The following RB1CC1 variants were observed in gnomAD, a reference collection of about 807,000 sequenced individuals.
RB1CC1 encodes RB1-inducible coiled-coil protein 1.
A neutral mutation model predicts 177.5 loss-of-function variants in RB1CC1; 46 were observed. That is an observed-to-expected ratio of 0.26 (90% CI 0.20 to 0.33). The LOEUF (loss-of-function observed/expected upper bound fraction) is 0.33. Ranked by LOEUF, RB1CC1 falls within the 10% of genes least tolerant of loss-of-function variation. The probability of loss-of-function intolerance (pLI) is 1.00; values close to 1 mark genes in which losing one functional copy is unlikely to be tolerated. For synonymous variants in RB1CC1, 666 were observed against 613.6 expected, an observed-to-expected ratio of 1.09 and a Z score of -1.26; for missense variants, 1,703 against 1,816.3, an observed-to-expected ratio of 0.94 and a Z score of 1.13.
intron 1 of RB1CC1, among the ~76,000 whole-genome samples, chr8:52,689,547 C>T (rs754960879): frequency 9.9e-5 from 15 of 152,260 alleles, no homozygotes; most frequent in Non-Finnish European, 1.9e-4. Context: ...ACTTTGTATT[C>T]ATTATATTCC....
At chr8:52,697,267 T>C (rs546574416) in intron 1 of RB1CC1, among the ~76,000 whole-genome samples, 62 of 140,536 alleles carry the variant, frequency 4.4e-4, no homozygotes, top group South Asian at 6.7e-4. Context: ...CACAGAACAA[T>C]GACTCTGTTT....
intron 1 of RB1CC1, among the ~76,000 whole-genome samples, chr8:52,711,121 T>A (rs562220174): frequency 6.6e-6 from 1 of 151,640 alleles, no homozygotes; most frequent in Non-Finnish European, 1.5e-5. Context: ...TGAAAAAAAA[T>A]GGGCGAGGAT....
chr8:52,643,173 A>T (rs1475824616), intron 16 of RB1CC1: 1 of 163,884 alleles, frequency 6.1e-6, no homozygotes, highest in Non-Finnish European at 1.3e-5. Flanking sequence ...TGTCTTTAGC[A>T]TTTGATCACC....
intron 1 of RB1CC1, among the ~76,000 whole-genome samples, chr8:52,704,549 T>TA (rs1856391926): frequency 6.6e-6 from 1 of 151,430 alleles, no homozygotes; most frequent in East Asian, 1.9e-4. Flanking sequence ...TACTAAAACT[T>TA]AAGAGGATAA....
chr8:52,634,894 C>G, intron 20 of RB1CC1, 27 bp downstream of exon 20: 1 of 1,534,744 alleles, frequency 6.5e-7, no homozygotes, highest in South Asian at 1.2e-5. Flanking sequence ...AATGTTAAGA[C>G]CAATTTACCA....
Position 52,622,509 on chromosome 8 carries a change from C to A in RB1CC1, c.*1273G>T, listed in dbSNP as rs777114953. ...AACTTGTCAAATTCAGTTTTCTATA[C>A]ACTATGATGTTTATTCCATTTTGTA... On this transcript the variant is annotated 3_prime_UTR_variant, in exon 24 of 24. Transcript: ENST00000025008. 3 of 151,840 alleles carry A rather than the reference C, an allele frequency of 2.0e-5. No individual in the cohort carries two copies. The highest frequency in any genetic ancestry group is 2.0e-4 in the Admixed American group (3 of 15,226). 9.4% of individuals were successfully genotyped at this position (151,840 alleles called of 1,614,324 possible).
chr8:52,654,561 T>C (rs962658282), intron 15 of RB1CC1, among the ~76,000 whole-genome samples: 1 of 152,208 alleles, frequency 6.6e-6, no homozygotes, highest in African/African-American at 2.4e-5. Context: ...TGGAGAACCA[T>C]CAGCTTTCAT....
At chr8:52,633,917 C>T (rs1323940450) in intron 20 of RB1CC1, among the ~76,000 whole-genome samples, 1 of 151,906 alleles carries the variant, frequency 6.6e-6, no homozygotes, top group East Asian at 1.9e-4. Context: ...GGTGAAACCC[C>T]ATCTCTACGA....
At position 52,676,237 on chromosome 8, in the gene RB1CC1, A is replaced by C. The variant is rs142688611; in HGVS notation, c.572+132T>G. 2.0e-4 allele frequency: 153 copies of C among 754,580 alleles called. No individual in the cohort carries two copies. The African/African-American group carries it at 2.6e-3, about 13-fold the overall frequency. 46.7% of individuals were successfully genotyped at this position (754,580 alleles called of 1,614,324 possible). A position where few individuals can be genotyped will look rare whatever the true frequency, so the allele number is the denominator to read the frequency against. On this transcript the variant is annotated intron_variant, in intron 6 of 23. Coordinates refer to ENST00000025008, the MANE Select transcript of RB1CC1 (RefSeq NM_014781.5). ...CTATAACCTACAAATCACTATCAGA[A>C]AAGGCTCAAAGAATAAACCTCAGTT...
chr8:52,625,976 C>T lies in RB1CC1; in HGVS notation c.4637-1189G>A, dbSNP rs182551256. On this transcript the variant is annotated intron_variant, in intron 22 of 23. Transcript: ENST00000025008. ...TCCCAAATAAATAATCAGAAATGAACCTGAAGAATACGATCACATGACAGA... is the reference window on the plus strand; with the variant it reads ...TCCCAAATAAATAATCAGAAATGAATCTGAAGAATACGATCACATGACAGA... Among the ~76,000 whole-genome samples, 114 of 152,184 alleles carry T rather than the reference C, an allele frequency of 7.5e-4. 1 individual carries two copies. The highest frequency in any genetic ancestry group is 2.6e-3 in the African/African-American group (110 of 41,528).
intron 16 of RB1CC1, among the ~76,000 whole-genome samples, chr8:52,643,513 C>CA (rs1259704231): frequency 6.6e-6 from 1 of 151,682 alleles, no homozygotes; most frequent in Non-Finnish European, 1.5e-5. Context: ...CCAGCCTGAG[C>CA]AACACAAGAT....
chr8:52,693,501 GC>G (rs1415208861), intron 1 of RB1CC1, among the ~76,000 whole-genome samples: 1 of 152,020 alleles, frequency 6.6e-6, no homozygotes, highest in Non-Finnish European at 1.5e-5. Context: ...GAAATGTAAA[GC>G]AAAACCATAA....
chr8:52,698,421 C>T (rs1002192856), intron 1 of RB1CC1, among the ~76,000 whole-genome samples: 1 of 151,536 alleles, frequency 6.6e-6, no homozygotes, highest in Non-Finnish European at 1.5e-5. Flanking sequence ...CTCCCAGGTT[C>T]ACGCCATTCT....
rs1271494727 is a variant in RB1CC1, at chr8:52,712,173, T to C, written c.-167+1902A>G. Among the ~76,000 whole-genome samples the C allele has an allele frequency of 4.6e-5, 7 of 152,322 alleles. No homozygotes were observed. The East Asian group carries it at 1.3e-3, about 29-fold the overall frequency. On this transcript the variant is annotated intron_variant, in intron 1 of 23. Coordinates refer to ENST00000025008, the MANE Select transcript of RB1CC1 (RefSeq NM_014781.5). ...AGATTTTCAAAGTGTCTTAGGCCAG[T>C]ATTACTACAAAAGAAAAGTGTAACT... is the stretch of plus-strand genomic sequence containing the variant.
At chr8:52,652,819 A>G (rs1850731017) in intron 15 of RB1CC1, among the ~76,000 whole-genome samples, 3 of 152,174 alleles carry the variant, frequency 2.0e-5, no homozygotes, top group Admixed American at 2.0e-4. Flanking sequence ...GCACTTTGGG[A>G]GGCTGAGGCA....
chr8:52,639,647 G>C (rs996428624), intron 18 of RB1CC1, among the ~76,000 whole-genome samples: 13 of 152,098 alleles, frequency 8.5e-5, no homozygotes, highest in Admixed American at 6.5e-5. Context: ...CTCCTAGTTT[G>C]CTAAGGATTT....
chr8:52,632,017 C>T (rs1003293348), intron 20 of RB1CC1, among the ~76,000 whole-genome samples: 1 of 152,144 alleles, frequency 6.6e-6, no homozygotes, highest in East Asian at 1.9e-4. Context: ...AATTTGTGAA[C>T]AATCACGAAA....
At chr8:52,700,385 T>G in intron 1 of RB1CC1, among the ~76,000 whole-genome samples, 2 of 113,472 alleles carry the variant, frequency 1.8e-5, no homozygotes, top group East Asian at 3.0e-4. Flanking sequence ...TATCCAGGTG[T>G]GGTGACGCAC....
rs1851057037 is a variant in RB1CC1 at position 52,656,052 on chromosome 8, C to G, written c.3777G>C (p.Glu1259Asp). The change falls in exon 15 of 24, where the codon GAG becomes GAC. Residue 1259 changes from glutamate (E) to aspartate (D), a missense_variant. By Grantham distance (45) the Glu-to-Asp change is conservative. Coordinates refer to ENST00000025008, the MANE Select transcript of RB1CC1 (RefSeq NM_014781.5). Reference sequence around the variant, plus strand: ...CAAGATGTTTAACTTTTTCTAATAACTCTTTCTCAACAACTTCTCTCTCCA... The same window carrying G: ...CAAGATGTTTAACTTTTTCTAATAAGTCTTTCTCAACAACTTCTCTCTCCA... ...FKLEREVVEK[E>D]LLEKVKHLEN... 2 of 1,611,706 alleles carry G rather than the reference C, an allele frequency of 1.2e-6. No individual in the cohort carries two copies. Among genetic ancestry groups the G allele is most frequent in the Non-Finnish European group, 1.7e-6 (2 of 1,179,144 alleles).
Sources: gnomAD v4.1 joint callset for allele counts (sites outside exome capture counted in the v4.1 genomes callset) on GRCh38, gnomAD v4.1.1 for gene constraint, MANE v1.5 for transcripts, NCBI Gene and HGNC (gene_info 2026-07-23, HGNC 2026-07-21) for gene names.